Variants in FAM229B observed in about 807,000 individuals in gnomAD.
FAM229B encodes the protein family with sequence similarity 229 member B, also known as protein FAM229B.
A neutral mutation model predicts 6.7 loss-of-function variants in FAM229B; 2 were observed. The ratio of observed to expected loss-of-function variants is 0.30; its 90% CI spans 0.12 to 0.94. The LOEUF (loss-of-function observed/expected upper bound fraction) is 0.94. FAM229B is among the 40% of genes least tolerant of loss of function. The pLI is 0.54. For missense variants in FAM229B, 93 were observed against 96.2 expected, an observed-to-expected ratio of 0.97 and a Z score of 0.14; for synonymous variants, 29 against 34.0, an observed-to-expected ratio of 0.85 and a Z score of 0.51.
Position 112,087,604 on chromosome 6 carries a change from G to T in FAM229B, c.-292G>T. On this transcript the variant is annotated 5_prime_UTR_variant, in exon 1 of 4. Transcript: ENST00000368656. ...CTAAGGTTTTCCGTCAGAAGGCCGC[G>T]CAAGTGCACTTGCGTGTCACCGTTA... The T allele has an allele frequency of 1.4e-6, 1 of 701,482 alleles. No individual in the cohort carries two copies. 43.5% of individuals were successfully genotyped at this position (701,482 alleles called of 1,614,324 possible). A position where few individuals can be genotyped will look rare whatever the true frequency, so the allele number is the denominator to read the frequency against.
intron 1 of FAM229B, among the ~76,000 whole-genome samples, chr6:112,095,252 A>G (rs1470787524): frequency 6.6e-6 from 1 of 152,172 alleles, no homozygotes; most frequent in Non-Finnish European, 1.5e-5. Flanking sequence ...ATTCCTCACG[A>G]CAACTCTGTA....
In FAM229B at chr6:112,100,873, G is replaced by GTT. The variant is rs1197471147; in HGVS notation, c.*87_*88insTT. 8 of 993,490 alleles carry GTT rather than the reference G, an allele frequency of 8.1e-6. No homozygotes were observed. Among genetic ancestry groups the GTT allele is most frequent in the Non-Finnish European group, 1.3e-5 (8 of 633,638 alleles). 61.5% of individuals were successfully genotyped at this position (993,490 alleles called of 1,614,324 possible). A position where few individuals can be genotyped will look rare whatever the true frequency, so the allele number is the denominator to read the frequency against. The stretch of plus-strand genomic sequence containing the variant: ...GTGATCTGGTAAACAAATAAAAGTG[G>GTT]TGGCACCTTTAGATGATGACAACAG... On this transcript the variant is annotated 3_prime_UTR_variant, in exon 4 of 4. Transcript: ENST00000368656.
chr6:112,087,818 G>GCA (rs1777197377), intron 1 of FAM229B, 98 bp downstream of exon 1: 1 of 231,992 alleles, frequency 4.3e-6, no homozygotes, highest in African/African-American at 2.3e-5. Context: ...AACACCCGGG[G>GCA]CGGTGGATCA....
At chr6:112,088,641 A>C (rs1340126600) in intron 1 of FAM229B, among the ~76,000 whole-genome samples, 1 of 151,982 alleles carries the variant, frequency 6.6e-6, no homozygotes, top group Non-Finnish European at 1.5e-5. Flanking sequence ...TCTTTTGGTA[A>C]TAGGCAGCTT....
chr6:112,100,714 A>G lies in FAM229B; in HGVS notation c.170A>G (p.Asp57Gly), dbSNP rs782180551. The G allele has an allele frequency of 3.7e-6, 6 of 1,614,096 alleles. No individual in the cohort carries two copies. The South Asian group carries it at 6.6e-5, about 18-fold the overall frequency. The change falls in exon 4 of 4, where the codon GAT becomes GGT. Residue 57 changes from aspartate (D) to glycine (G), a missense_variant. Physicochemically the swap from Asp to Gly is moderately conservative, Grantham distance 94. Coordinates refer to ENST00000368656, the MANE Select transcript of FAM229B (RefSeq NM_001033564.3). ...GGAAGTCATTGCCTGACAATAACTG[A>G]TGTTCCCGTCACTGTTTATGCAACA... ...CPGSHCLTIT[D>G]VPVTVYATTR...
chr6:112,091,882 T>C (rs1365280037), intron 1 of FAM229B, among the ~76,000 whole-genome samples: 1 of 151,634 alleles, frequency 6.6e-6, no homozygotes, highest in Admixed American at 6.6e-5. Flanking sequence ...GACAAAGAAA[T>C]ATGAAAAAGA....
chr6:112,095,754 T>C (rs1777317624), intron 1 of FAM229B, among the ~76,000 whole-genome samples: 1 of 150,454 alleles, frequency 6.6e-6, no homozygotes, highest in Non-Finnish European at 1.5e-5. Flanking sequence ...CTCAAACATG[T>C]AAACTATTAC....
chr6:112,092,335 G>A (rs587774367), intron 1 of FAM229B, among the ~76,000 whole-genome samples: 4 of 152,102 alleles, frequency 2.6e-5, no homozygotes, highest in African/African-American at 9.6e-5. Context: ...ATTACATATA[G>A]AGGAACAAAG....
intron 2 of FAM229B, among the ~76,000 whole-genome samples, chr6:112,099,023 G>A (rs1413886370): frequency 3.3e-5 from 5 of 152,134 alleles, no homozygotes; most frequent in Admixed American, 2.0e-4. Context: ...GGGCAGGCAC[G>A]TTGTGTGCAC....
chr6:112,101,142 C>G lies in FAM229B; in HGVS notation c.*355C>G, dbSNP rs1777393865. ...GCTTAATGTGTCTTAAGCTCATTTCCTTGTTCATATTTGGGTTGCTACTTG... is the reference window on the plus strand; with the variant it reads ...GCTTAATGTGTCTTAAGCTCATTTCGTTGTTCATATTTGGGTTGCTACTTG... On this transcript the variant is annotated 3_prime_UTR_variant, in exon 4 of 4. Transcript: ENST00000368656. The G allele has an allele frequency of 5.8e-6, 1 of 172,872 alleles. No individual in the cohort carries two copies. Among genetic ancestry groups the G allele is most frequent in the Non-Finnish European group, 1.2e-5 (1 of 81,590 alleles). 10.7% of individuals were successfully genotyped at this position (172,872 alleles called of 1,614,324 possible).
At chr6:112,093,358 A>G (rs1332490818) in intron 1 of FAM229B, among the ~76,000 whole-genome samples, 1 of 152,108 alleles carries the variant, frequency 6.6e-6, no homozygotes, top group Admixed American at 6.5e-5. Context: ...ACCAAATAAT[A>G]GCTTCAAAAT....
intron 1 of FAM229B, among the ~76,000 whole-genome samples, chr6:112,094,172 C>G (rs1777292631): frequency 6.6e-6 from 1 of 151,210 alleles, no homozygotes; most frequent in Non-Finnish European, 1.5e-5. Context: ...CAAATTAAGC[C>G]CAAAGTAGAC....
rs1306651972 is a variant in FAM229B, at chr6:112,090,929, A to C, written c.-176+3209A>C. On this transcript the variant is annotated intron_variant, in intron 1 of 3. Transcript: ENST00000368656. ...ATTATTAATAACTAGTCACCATGCT[A>C]TGTAATAGATCTATAAAACTTATTC... is the stretch of plus-strand genomic sequence containing the variant. Among the ~76,000 whole-genome samples the C allele has an allele frequency of 2.0e-5, 3 of 152,132 alleles. No homozygotes were observed. The East Asian group carries it at 5.8e-4, about 29-fold the overall frequency.
At chr6:112,097,660 CAG>C (rs10582652) in intron 2 of FAM229B, among the ~76,000 whole-genome samples, 33,146 of 148,444 alleles carry the variant, frequency 0.22, 4,095 homozygotes, top group East Asian at 0.32. Flanking sequence ...TAGTTGAAAA[CAG>C]TGTGTACTAA....
At chr6:112,098,426 C>T (rs1777354395) in intron 2 of FAM229B, among the ~76,000 whole-genome samples, 1 of 152,128 alleles carries the variant, frequency 6.6e-6, no homozygotes, top group Non-Finnish European at 1.5e-5. Context: ...CTCAGTAGTA[C>T]CTGCTAAATA....
At chr6:112,100,425 G>C (rs1470113137) in intron 3 of FAM229B, among the ~76,000 whole-genome samples, 9 of 152,124 alleles carry the variant, frequency 5.9e-5, no homozygotes, top group African/African-American at 2.2e-4. Context: ...TCAACATCCG[G>C]AGGATTATCT....
chr6:112,102,195 C>T lies in FAM229B; in HGVS notation c.*1408C>T, dbSNP rs1157534731. ...AGGAGAAAGGAGTGATGAAAAATTC[C>T]TCAGAGGGCTGGGCTTGGTGGCTCA... is the stretch of plus-strand genomic sequence containing the variant. On this transcript the variant is annotated 3_prime_UTR_variant, in exon 4 of 4. Coordinates refer to ENST00000368656, the MANE Select transcript of FAM229B (RefSeq NM_001033564.3). The T allele has an allele frequency of 1.1e-4, 16 of 152,030 alleles. No individual in the cohort carries two copies. The highest frequency in any genetic ancestry group is 3.9e-4 in the African/African-American group (16 of 41,392). 9.4% of individuals were successfully genotyped at this position (152,030 alleles called of 1,614,324 possible).
chr6:112,096,142 A>C (rs974678937), intron 1 of FAM229B, among the ~76,000 whole-genome samples: 2 of 152,210 alleles, frequency 1.3e-5, no homozygotes, highest in Admixed American at 6.5e-5. Flanking sequence ...GGAGAAGTTC[A>C]TGAGGTGGGC....
chr6:112,100,781 T>C lies in FAM229B; in HGVS notation c.237T>C (p.Pro79=). ...PPAQSSKEMH[P]K is the part of the protein sequence containing the mutation. The stretch of plus-strand genomic sequence containing the variant: ...CACAAAGCAGCAAGGAAATGCATCC[T>C]AAATAGCACCATTAAGTCTTTTGTC... The change falls in exon 4 of 4, where the codon CCT becomes CCC. Residue 79 remains proline (P), a synonymous_variant. Coordinates refer to ENST00000368656, the MANE Select transcript of FAM229B (RefSeq NM_001033564.3). The C allele has an allele frequency of 1.2e-6, 2 of 1,610,528 alleles. No homozygotes were observed. The highest frequency in any genetic ancestry group is 1.7e-6 in the Non-Finnish European group (2 of 1,176,772).
Sources: allele counts gnomAD v4.1 joint callset (sites outside exome capture counted in the v4.1 genomes callset), GRCh38; gene constraint gnomAD v4.1.1; transcripts MANE v1.5; gene names NCBI Gene and HGNC (gene_info 2026-07-23, HGNC 2026-07-21).